The following ATF7IP variants were observed in gnomAD, a reference collection of about 807,000 sequenced individuals.
ATF7IP encodes the protein activating transcription factor 7-interacting protein 1.
ATF7IP carries 23 observed loss-of-function variants against 106.4 expected under a neutral mutation model. The observed-to-expected ratio is 0.22, with a 90% CI of 0.16 to 0.31. ATF7IP has a LOEUF of 0.31. ATF7IP is among the 10% of genes least tolerant of loss of function. ATF7IP has a pLI of 1.00. For synonymous variants in ATF7IP, 542 were observed against 539.0 expected, an observed-to-expected ratio of 1.01 and a Z score of -0.08; for missense variants, 1,334 against 1,524.3, an observed-to-expected ratio of 0.88 and a Z score of 2.08.
chr12:14,408,143 A>ACAAAT (rs1940707610), intron 1 of ATF7IP, among the ~76,000 whole-genome samples: 1 of 99,270 alleles, frequency 1.0e-5, no homozygotes, highest in South Asian at 3.2e-4. Flanking sequence ...CACACACACA[A>ACAAAT]ATATATATGG....
At chr12:14,493,134 A>T (rs1384910313) in intron 13 of ATF7IP, among the ~76,000 whole-genome samples, 2 of 151,948 alleles carry the variant, frequency 1.3e-5, no homozygotes, top group African/African-American at 4.8e-5. Context: ...ACCTTTTTTA[A>T]CTCCCTGAGC....
At chr12:14,398,499 G>A (rs1387896444) in intron 1 of ATF7IP, among the ~76,000 whole-genome samples, 1 of 140,564 alleles carries the variant, frequency 7.1e-6, no homozygotes, top group Non-Finnish European at 1.5e-5. Context: ...CTTTGAGTTT[G>A]TTAAGATTTT....
chr12:14,407,806 C>T (rs983449067), intron 1 of ATF7IP, among the ~76,000 whole-genome samples: 1 of 152,024 alleles, frequency 6.6e-6, no homozygotes, highest in Admixed American at 6.5e-5. Flanking sequence ...TGAATGCCTA[C>T]TGTGTATAAG....
In ATF7IP at chr12:14,474,214, C is replaced by T. The variant is rs555328078; in HGVS notation, c.2863-1676C>T. ...TTGTGTCCTATGGACTAGAAAATTT[C>T]TATTGATCTAGCATCAATTTCATTT... On this transcript the variant is annotated intron_variant, in intron 10 of 14. Coordinates refer to ENST00000261168, the MANE Select transcript of ATF7IP (RefSeq NM_018179.5). 5.9e-5 allele frequency among the ~76,000 whole-genome samples: 9 copies of T among 151,878 alleles called. No homozygotes were observed. The East Asian group carries it at 1.7e-3, about 29-fold the overall frequency.
chr12:14,501,392 T>C lies in ATF7IP; in HGVS notation c.*3319T>C, dbSNP rs1265544932. 1.3e-5 allele frequency: 2 copies of C among 152,232 alleles called. No individual in the cohort carries two copies. Among genetic ancestry groups the C allele is most frequent in the African/African-American group, 4.8e-5 (2 of 41,468 alleles). 9.4% of individuals were successfully genotyped at this position (152,232 alleles called of 1,614,324 possible). On this transcript the variant is annotated 3_prime_UTR_variant, in exon 15 of 15. Transcript: ENST00000261168. ...AAGGTAATGGTGATGTTTATTATTC[T>C]ATACTTTGCATTCTGTGAGAGTAAT... is the stretch of plus-strand genomic sequence containing the variant.
At chr12:14,438,350 T>C (rs1456335622) in intron 5 of ATF7IP, 83 bp downstream of exon 5, 3 of 1,208,672 alleles carry the variant, frequency 2.5e-6, no homozygotes, top group Non-Finnish European at 3.4e-6. Flanking sequence ...TGAGATTAAC[T>C]ATAAAATACA....
At chr12:14,433,906 T>C (rs1318817928) in intron 2 of ATF7IP, among the ~76,000 whole-genome samples, 4 of 152,214 alleles carry the variant, frequency 2.6e-5, no homozygotes, top group Non-Finnish European at 4.4e-5. Context: ...AGCATTAAAG[T>C]AACTTAAGGA....
chr12:14,485,847 C>G (rs1944590237), intron 13 of ATF7IP, among the ~76,000 whole-genome samples: 1 of 152,198 alleles, frequency 6.6e-6, no homozygotes, highest in Admixed American at 6.5e-5. Flanking sequence ...TAATCCACTG[C>G]CATTCTCCAT....
At chr12:14,397,874 C>G (rs1468415891) in intron 1 of ATF7IP, among the ~76,000 whole-genome samples, 1 of 152,070 alleles carries the variant, frequency 6.6e-6, no homozygotes, top group African/African-American at 2.4e-5. Context: ...TTCCCCTTCT[C>G]CTTGGCTATT....
In ATF7IP at chr12:14,424,511, T is replaced by C. The variant is rs1294342935; in HGVS notation, c.596T>C (p.Leu199Pro). 6 of 1,613,842 alleles carry C rather than the reference T, an allele frequency of 3.7e-6. No homozygotes were observed. The highest frequency in any genetic ancestry group is 5.1e-6 in the Non-Finnish European group (6 of 1,179,986). The change falls in exon 2 of 15, where the codon CTC becomes CCC. Residue 199 changes from leucine (L) to proline (P), a missense_variant. Leu to Pro is a moderately conservative substitution (Grantham distance 98, BLOSUM62 -3). Around this residue, in one of 10 missense-constraint regions of ATF7IP, gnomAD observed 438 missense variants for 405.3 expected, o/e 1.08. Coordinates refer to ENST00000261168, the MANE Select transcript of ATF7IP (RefSeq NM_018179.5). ...ATSGDATADD[L>P]SSGDPTSSDP... ...TCTGGTGATGCCACTGCTGATGATC[T>C]CTCCTCTGGTGATCCCACCTCTAGT...
intron 11 of ATF7IP, among the ~76,000 whole-genome samples, chr12:14,476,906 A>G (rs1340256159): frequency 6.6e-6 from 1 of 152,214 alleles, no homozygotes; most frequent in Non-Finnish European, 1.5e-5. Context: ...CATGAATATA[A>G]AGTTCCATGG....
chr12:14,399,143 A>G (rs146640150), intron 1 of ATF7IP, among the ~76,000 whole-genome samples: 9 of 152,160 alleles, frequency 5.9e-5, no homozygotes, highest in African/African-American at 2.2e-4. Flanking sequence ...TAATTTCCTT[A>G]TCTGAATTTC....
intron 13 of ATF7IP, among the ~76,000 whole-genome samples, chr12:14,488,130 C>G (rs1325555150): frequency 6.6e-6 from 1 of 152,034 alleles, no homozygotes; most frequent in Non-Finnish European, 1.5e-5. Context: ...TTCTAGACCC[C>G]CAATCCTGGT....
intron 1 of ATF7IP, among the ~76,000 whole-genome samples, chr12:14,409,027 C>T (rs1270997050): frequency 6.6e-6 from 1 of 151,944 alleles, no homozygotes; most frequent in Non-Finnish European, 1.5e-5. Context: ...ATGATATCAG[C>T]ATATTTAAGA....
intron 1 of ATF7IP, among the ~76,000 whole-genome samples, chr12:14,398,664 C>T (rs777135054): frequency 6.6e-6 from 1 of 151,854 alleles, no homozygotes; most frequent in African/African-American, 2.4e-5. Context: ...TGTTCTTCAT[C>T]CATAGATTTA....
At chr12:14,488,909 A>C (rs989218592) in intron 13 of ATF7IP, among the ~76,000 whole-genome samples, 1 of 152,258 alleles carries the variant, frequency 6.6e-6, no homozygotes, top group Non-Finnish European at 1.5e-5. Context: ...AAGTGCATAC[A>C]TGCACAAACA....
intron 6 of ATF7IP, among the ~76,000 whole-genome samples, chr12:14,453,876 C>T (rs1036141530): frequency 2.0e-5 from 3 of 152,152 alleles, no homozygotes; most frequent in African/African-American, 4.8e-5. Context: ...CTGCCCGCCT[C>T]GGCCTCCCAA....
chr12:14,407,802 C>G (rs1483279261), intron 1 of ATF7IP, among the ~76,000 whole-genome samples: 1 of 151,882 alleles, frequency 6.6e-6, no homozygotes, highest in East Asian at 1.9e-4. Flanking sequence ...TTATTGAATG[C>G]CTACTGTGTA....
At chr12:14,396,912 G>C (rs1007357056) in intron 1 of ATF7IP, among the ~76,000 whole-genome samples, 2 of 152,176 alleles carry the variant, frequency 1.3e-5, no homozygotes, top group African/African-American at 4.8e-5. Flanking sequence ...TGTAATCCCA[G>C]CACTTTGGGA....
Sources: gnomAD v4.1 joint callset for allele counts (sites outside exome capture counted in the v4.1 genomes callset) on GRCh38, gnomAD v4.1.1 for gene constraint, gnomAD v4.1.1 regional missense constraint, MANE v1.5 for transcripts, NCBI Gene and HGNC (gene_info 2026-07-23, HGNC 2026-07-21) for gene names.